Variants in SPATA16 observed in about 807,000 individuals in gnomAD.
SPATA16 encodes spermatogenesis-associated protein 16.
Under a neutral mutation model 63.3 loss-of-function variants are expected in SPATA16, and 36 were observed. The ratio of observed to expected loss-of-function variants is 0.57; its 90% CI spans 0.44 to 0.75. The LOEUF (loss-of-function observed/expected upper bound fraction) is 0.75, where lower values mean the gene tolerates loss of function less well. Among genes scored for constraint, SPATA16 ranks in the 30% least tolerant of loss-of-function variants. The pLI, the probability that SPATA16 is intolerant of heterozygous loss-of-function variation, is 0.00. For missense variants in SPATA16, 646 were observed against 679.3 expected (o/e 0.95, Z 0.54); for synonymous variants, 203 against 216.7 (o/e 0.94, Z 0.56).
At chr3:172,968,384 G>A (rs1577111336) in intron 5 of SPATA16, among the ~76,000 whole-genome samples, 1 of 152,292 alleles carries the variant, frequency 6.6e-6, no homozygotes, top group Non-Finnish European at 1.5e-5. Flanking sequence ...AATTCACACT[G>A]AGGCAAAGCA....
At chr3:173,028,825 A>G (rs573135543) in intron 3 of SPATA16, among the ~76,000 whole-genome samples, 152 of 152,166 alleles carry the variant, frequency 1.0e-3, no homozygotes, top group African/African-American at 3.3e-3. Context: ...GAATTCATCT[A>G]TAGTTCTGAG....
intron 6 of SPATA16, among the ~76,000 whole-genome samples, chr3:172,929,617 T>G (rs1436808325): frequency 6.6e-6 from 1 of 152,062 alleles, no homozygotes; most frequent in East Asian, 1.9e-4. Context: ...GCCTTCTCAT[T>G]CAGTGCTCCT....
intron 1 of SPATA16, among the ~76,000 whole-genome samples, chr3:173,134,870 G>A (rs1416210847): frequency 6.6e-6 from 1 of 151,894 alleles, no homozygotes; most frequent in East Asian, 1.9e-4. Context: ...AACAGTAAAT[G>A]TAAAAAAAAC....
At chr3:172,958,790 C>CGT (rs1169476231) in intron 5 of SPATA16, among the ~76,000 whole-genome samples, 3 of 151,160 alleles carry the variant, frequency 2.0e-5, no homozygotes, top group Non-Finnish European at 4.4e-5. Flanking sequence ...TGTGCACGCA[C>CGT]GTGTGTGTGT....
chr3:173,128,372 A>G (rs1738283345), intron 1 of SPATA16, among the ~76,000 whole-genome samples: 1 of 152,206 alleles, frequency 6.6e-6, no homozygotes, highest in South Asian at 2.1e-4. Flanking sequence ...TTACTAAGCA[A>G]CAACTCTGTA....
chr3:173,103,174 A>C (rs897446534), intron 2 of SPATA16, among the ~76,000 whole-genome samples: 8 of 152,162 alleles, frequency 5.3e-5, no homozygotes, highest in Admixed American at 3.3e-4. Flanking sequence ...GGCTGCTCTC[A>C]TGGATTACAG....
intron 2 of SPATA16, among the ~76,000 whole-genome samples, chr3:173,087,507 A>C (rs969189896): frequency 6.6e-6 from 1 of 152,214 alleles, no homozygotes; most frequent in African/African-American, 2.4e-5. Context: ...TAATTGGCAC[A>C]TTTAGCCCAT....
At chr3:173,042,302 G>A (rs1735860106) in intron 3 of SPATA16, among the ~76,000 whole-genome samples, 2 of 151,992 alleles carry the variant, frequency 1.3e-5, no homozygotes, top group Non-Finnish European at 2.9e-5. Context: ...GTTCACTGTG[G>A]CCTCTCCCTC....
intron 4 of SPATA16, among the ~76,000 whole-genome samples, chr3:173,003,915 T>C (rs1363873757): frequency 6.6e-6 from 1 of 152,204 alleles, no homozygotes; most frequent in Non-Finnish European, 1.5e-5. Context: ...AGATATATTA[T>C]TATCTCCATT....
At chr3:173,105,381 A>T (rs1737595658) in intron 2 of SPATA16, among the ~76,000 whole-genome samples, 1 of 152,184 alleles carries the variant, frequency 6.6e-6, no homozygotes, top group South Asian at 2.1e-4. Flanking sequence ...CTTGACAGTC[A>T]AACAGGTTAT....
intron 3 of SPATA16, among the ~76,000 whole-genome samples, chr3:173,035,045 G>A (rs780478468): frequency 3.3e-5 from 5 of 152,056 alleles, no homozygotes; most frequent in Non-Finnish European, 5.9e-5. Flanking sequence ...GAAAGAATAC[G>A]CTTTCCAGAT....
chr3:173,071,092 T>C (rs1274923576), intron 2 of SPATA16, among the ~76,000 whole-genome samples: 1 of 152,126 alleles, frequency 6.6e-6, no homozygotes, highest in Non-Finnish European at 1.5e-5. Context: ...CAAAATGATA[T>C]GATGTTGACA....
chr3:173,137,866 C>CACACAG (rs1738592439), intron 1 of SPATA16, among the ~76,000 whole-genome samples: 1 of 150,462 alleles, frequency 6.6e-6, no homozygotes, highest in African/African-American at 2.5e-5. Context: ...CACACACACA[C>CACACAG]ACACACAGAC....
At chr3:173,058,187 A>G (rs969392470) in intron 2 of SPATA16, among the ~76,000 whole-genome samples, 1 of 152,114 alleles carries the variant, frequency 6.6e-6, no homozygotes, top group Non-Finnish European at 1.5e-5. Context: ...GTTTCTCTGA[A>G]TATATCATGA....
intron 6 of SPATA16, among the ~76,000 whole-genome samples, chr3:172,955,684 A>G (rs2108233867): frequency 6.6e-6 from 1 of 152,210 alleles, no homozygotes; most frequent in East Asian, 1.9e-4. Flanking sequence ...TAGGACCTAC[A>G]TTTAATGGTT....
At chr3:173,036,265 C>G (rs1735713377) in intron 3 of SPATA16, among the ~76,000 whole-genome samples, 1 of 151,988 alleles carries the variant, frequency 6.6e-6, no homozygotes, top group South Asian at 2.1e-4. Flanking sequence ...ACACAACTGA[C>G]AGTATATATT....
At chr3:173,050,814 A>G (rs115764681) in intron 2 of SPATA16, among the ~76,000 whole-genome samples, 3,769 of 152,340 alleles carry the variant, frequency 0.025, 67 homozygotes, top group Middle Eastern at 0.041. Flanking sequence ...TACACTGGAA[A>G]TGACCTCAGT....
chr3:173,109,590 C>T (rs1051115970), intron 2 of SPATA16, among the ~76,000 whole-genome samples: 1 of 152,000 alleles, frequency 6.6e-6, no homozygotes, highest in Non-Finnish European at 1.5e-5. Context: ...TTTATTCCAT[C>T]GGGGTTGGGA....
intron 3 of SPATA16, among the ~76,000 whole-genome samples, chr3:173,042,387 G>T (rs34221609): frequency 0.19 from 29,387 of 151,938 alleles, 3,106 homozygotes; most frequent in African/African-American, 0.26. Flanking sequence ...ACCACACCCA[G>T]CTAATTTTGT....
Sources: allele counts gnomAD v4.1 joint callset (sites outside exome capture counted in the v4.1 genomes callset), GRCh38; gene constraint gnomAD v4.1.1; transcripts MANE v1.5; gene names NCBI Gene and HGNC (gene_info 2026-07-23, HGNC 2026-07-21).